Variants in NDEL1 observed in about 807,000 individuals in gnomAD.
The protein encoded by NDEL1 is nuclear distribution protein nudE-like 1.
A neutral mutation model predicts 45.7 loss-of-function variants in NDEL1; 9 were observed. The ratio of observed to expected loss-of-function variants is 0.20; its 90% CI spans 0.12 to 0.34. The LOEUF is 0.34. Among genes scored for constraint, NDEL1 ranks in the 10% least tolerant of loss-of-function variants. NDEL1 has a pLI of 1.00. For synonymous variants in NDEL1, 133 were observed against 158.6 expected (o/e 0.84, Z 1.21); for missense variants, 306 against 406.2 (o/e 0.75, Z 2.12).
chr17:8,433,388 G>A (rs1909066451), upstream of NDEL1, among the ~76,000 whole-genome samples: 1 of 152,084 alleles, frequency 6.6e-6, no homozygotes, highest in Admixed American at 6.5e-5. Flanking sequence ...TGCTGCTGTG[G>A]GCTTCATCTT....
chr17:8,435,887 C>T lies in NDEL1; in HGVS notation c.-171C>T, dbSNP rs1270431533. On this transcript the variant is annotated 5_prime_UTR_variant, in exon 1 of 9. Coordinates refer to ENST00000334527, the MANE Select transcript of NDEL1 (RefSeq NM_030808.5). ...GAATGGCCTCGGACACCCAGGCAGT[C>T]CCTGACGTGTCGGGGAGGAGCCGGG... The T allele has an allele frequency of 1.1e-5, 5 of 447,418 alleles. No homozygotes were observed. The highest frequency in any genetic ancestry group is 8.3e-5 in the African/African-American group (4 of 48,234). 27.7% of individuals were successfully genotyped at this position (447,418 alleles called of 1,614,324 possible). A position where few individuals can be genotyped will look rare whatever the true frequency, so the allele number is the denominator to read the frequency against.
At chr17:8,428,160 A>C (rs935300357) in intron 1 of NDEL1, among the ~76,000 whole-genome samples, 1 of 152,012 alleles carries the variant, frequency 6.6e-6, no homozygotes, top group Non-Finnish European at 1.5e-5. Flanking sequence ...ATATAAGCTA[A>C]TTATATTGGG....
chr17:8,455,907 A>G (rs958088985), intron 7 of NDEL1, among the ~76,000 whole-genome samples: 4 of 152,138 alleles, frequency 2.6e-5, no homozygotes, highest in African/African-American at 9.7e-5. Flanking sequence ...TCTGGCCACA[A>G]AGGAGATCTG....
chr17:8,468,513 A>T (rs533509262), downstream of NDEL1, among the ~76,000 whole-genome samples: 4 of 152,340 alleles, frequency 2.6e-5, no homozygotes, highest in African/African-American at 9.6e-5. Context: ...GCCATTCATG[A>T]CAGATGTTGT....
At chr17:8,428,509 CAT>C (rs1416853660) in intron 1 of NDEL1, among the ~76,000 whole-genome samples, 2 of 151,428 alleles carry the variant, frequency 1.3e-5, no homozygotes, top group African/African-American at 4.9e-5. Context: ...GGATTACAGG[CAT>C]GTGCCACCAC....
chr17:8,465,391 AGT>A lies in NDEL1; in HGVS notation c.945-1535_945-1534del, dbSNP rs563478977. The A allele has an allele frequency of 8.1e-4, 124 of 152,334 alleles. 1 individual carries two copies. The highest frequency in any genetic ancestry group is 2.6e-3 in the African/African-American group (107 of 41,572). The allele number at this position is 152,334 out of a possible 1,614,324, so 9.4% of individuals were successfully genotyped here. A position where few individuals can be genotyped will look rare whatever the true frequency, so the allele number is the denominator to read the frequency against. ...TGGCTGTTTGTCGTCGAAGTAGGAC[AGT>A]GTGCAACAGGGAGAAATGACATTTG... On this transcript the variant is annotated intron_variant, in intron 8 of 8. Transcript: ENST00000334527. This position sits in a 1 kb window ranked among gnomAD's most constrained non-coding sequence, Gnocchi z 4.9.
intron 8 of NDEL1, chr17:8,463,193 G>T (rs1256167790): frequency 4.6e-6 from 3 of 645,594 alleles, no homozygotes; most frequent in Non-Finnish European, 8.2e-6. Flanking sequence ...GGTAACATGT[G>T]CTCTATTTTT....
chr17:8,429,442 G>A (rs1908948377), intron 1 of NDEL1, among the ~76,000 whole-genome samples: 1 of 152,154 alleles, frequency 6.6e-6, no homozygotes, highest in African/African-American at 2.4e-5. Flanking sequence ...GAACTGTGTA[G>A]AGCTCCATGT....
chr17:8,445,915 T>C (rs773008598), intron 3 of NDEL1, 51 bp downstream of exon 3: 5 of 1,367,206 alleles, frequency 3.7e-6, no homozygotes, highest in Non-Finnish European at 4.8e-6. Flanking sequence ...TTTATTAAAA[T>C]GAGAAATATG....
At chr17:8,473,639 C>T (rs562796080) in intron 3 of NDEL1, among the ~76,000 whole-genome samples, 6 of 152,296 alleles carry the variant, frequency 3.9e-5, no homozygotes, top group East Asian at 1.9e-4. Context: ...GAGGGCACTT[C>T]GGCCCATTTC....
intron 7 of NDEL1, among the ~76,000 whole-genome samples, chr17:8,458,830 G>T (rs1170360889): frequency 6.6e-6 from 1 of 152,140 alleles, no homozygotes; most frequent in Non-Finnish European, 1.5e-5. Flanking sequence ...GGGTTCCAGT[G>T]ATTCTTGTGC....
chr17:8,469,906 C>A (rs1911795175), downstream of NDEL1, among the ~76,000 whole-genome samples: 1 of 143,926 alleles, frequency 6.9e-6, no homozygotes, highest in Admixed American at 7.1e-5. Flanking sequence ...CAGGGTTTCA[C>A]CATGTTGTTC....
At chr17:8,454,952 G>T in intron 7 of NDEL1, 65 bp downstream of exon 7, 1 of 1,361,648 alleles carries the variant, frequency 7.3e-7, no homozygotes, top group East Asian at 2.3e-5. Flanking sequence ...TTCTTAATTT[G>T]AAGTGAGGGA....
chr17:8,448,695 T>C lies in NDEL1; in HGVS notation c.526+9T>C, dbSNP rs758917031. On this transcript the variant is annotated intron_variant, in intron 5 of 8. Coordinates refer to ENST00000334527, the MANE Select transcript of NDEL1 (RefSeq NM_030808.5). ...AAAGGATGAAGCAAGAGGTAAAATT[T>C]ATAACTTAAAGAATACAGTTGACCC... 11 of 1,605,714 alleles carry C rather than the reference T, an allele frequency of 6.9e-6. No individual in the cohort carries two copies. Among genetic ancestry groups the C allele is most frequent in the Non-Finnish European group, 9.4e-6 (11 of 1,174,378 alleles).
chr17:8,472,894 G>A (rs1018125656), downstream of NDEL1, among the ~76,000 whole-genome samples: 1 of 152,038 alleles, frequency 6.6e-6, no homozygotes, highest in African/African-American at 2.4e-5. Context: ...CTCCTCACCG[G>A]GAACCACACT....
At chr17:8,461,821 T>C (rs1045506468) in intron 8 of NDEL1, among the ~76,000 whole-genome samples, 1 of 152,204 alleles carries the variant, frequency 6.6e-6, no homozygotes, top group East Asian at 1.9e-4. Flanking sequence ...TATTAGTTTC[T>C]CCTTGGAATC....
intron 7 of NDEL1, 77 bp downstream of exon 7, chr17:8,454,964 G>C: frequency 1.5e-6 from 2 of 1,311,586 alleles, no homozygotes; most frequent in Non-Finnish European, 2.2e-6. Context: ...AGTGAGGGAA[G>C]AAAGAAAGGA....
chr17:8,455,352 C>T (rs938027206), intron 7 of NDEL1, among the ~76,000 whole-genome samples: 3 of 152,174 alleles, frequency 2.0e-5, no homozygotes, highest in Non-Finnish European at 4.4e-5. Context: ...AGTGCCTTCT[C>T]CTTGGTGTGA....
intron 3 of NDEL1, 142 bp from the exon 4 acceptor site, chr17:8,446,612 C>A: frequency 1.4e-6 from 1 of 730,280 alleles, no homozygotes; most frequent in Non-Finnish European, 2.1e-6. Flanking sequence ...ATGAATGTGT[C>A]ATTTAGTTGT....
Sources: allele counts gnomAD v4.1 joint callset (sites outside exome capture counted in the v4.1 genomes callset), GRCh38; gene constraint gnomAD v4.1.1; non-coding constraint Gnocchi (gnomAD v3.1); transcripts MANE v1.5; gene names NCBI Gene and HGNC (gene_info 2026-07-23, HGNC 2026-07-21).